PTPN3: variants seen among roughly 807,000 people sequenced by gnomAD.
PTPN3 encodes the protein tyrosine-protein phosphatase non-receptor type 3.
In PTPN3, 96 loss-of-function variants were observed where a neutral mutation model predicts 132.7. That is an observed-to-expected ratio of 0.72 (90% CI 0.61 to 0.86). PTPN3 has a LOEUF of 0.86. Ranked by LOEUF, PTPN3 falls within the 40% of genes least tolerant of loss-of-function variation. The pLI, the probability that PTPN3 is intolerant of heterozygous loss-of-function variation, is 0.00. For missense variants in PTPN3, 1,125 were observed against 1,159.6 expected, an observed-to-expected ratio of 0.97 and a Z score of 0.43; for synonymous variants, 398 against 429.0, an observed-to-expected ratio of 0.93 and a Z score of 0.89.
intron 22 of PTPN3, 44 bp from the exon 23 acceptor site, chr9:109,383,595 G>A (rs2131594280): frequency 2.5e-6 from 4 of 1,603,322 alleles, no homozygotes; most frequent in Non-Finnish European, 3.4e-6. Context: ...TCTGTGGGGT[G>A]TTCCTGCAAG....
At chr9:109,533,073 A>G in the PTPN3 span, 1 of 230,694 alleles carries the variant, frequency 4.3e-6, no homozygotes, top group Non-Finnish European at 7.7e-6. Context: ...CTCCTGCCTC[A>G]GCCTTCTGAG....
chr9:109,437,206 T>C (rs983924576), intron 8 of PTPN3, among the ~76,000 whole-genome samples: 3 of 152,250 alleles, frequency 2.0e-5, no homozygotes, highest in Non-Finnish European at 4.4e-5. Flanking sequence ...TCCCCTTTAG[T>C]GGGCTCACAA....
chr9:109,408,789 A>AT (rs1564403902), intron 16 of PTPN3, among the ~76,000 whole-genome samples: 158 of 57,580 alleles, frequency 2.7e-3, no homozygotes, highest in East Asian at 0.018. Flanking sequence ...ATTAAAAAAA[A>AT]AAAAAAAATA....
chr9:109,530,765 G>A, the PTPN3 span, among the ~76,000 whole-genome samples: 1 of 152,112 alleles, frequency 6.6e-6, no homozygotes, highest in Non-Finnish European at 1.5e-5. Flanking sequence ...CCATTCTAAT[G>A]GGTGTGAAGT....
chr9:109,488,947 G>T (rs1312589959), intron 1 of PTPN3, among the ~76,000 whole-genome samples: 1 of 152,186 alleles, frequency 6.6e-6, no homozygotes, highest in Non-Finnish European at 1.5e-5. Context: ...TTTGCCAAAG[G>T]TCAGTGACTT....
chr9:109,510,576 A>ATATAT, the PTPN3 span, among the ~76,000 whole-genome samples: 26 of 47,274 alleles, frequency 5.5e-4, no homozygotes, highest in African/African-American at 9.7e-4. Flanking sequence ...AAAAAAAAAA[A>ATATAT]ATATATATAT....
At chr9:109,533,024 C>G in the PTPN3 span, 1 of 345,056 alleles carries the variant, frequency 2.9e-6, no homozygotes, top group South Asian at 7.2e-5. Context: ...GGCGCGATCT[C>G]GGCTCACTGC....
At chr9:109,537,327 G>T in the PTPN3 span, among the ~76,000 whole-genome samples, 23 of 152,130 alleles carry the variant, frequency 1.5e-4, no homozygotes, top group Admixed American at 6.5e-4. Flanking sequence ...AACTTCTTAC[G>T]CTTAAAAAGA....
intron 13 of PTPN3, among the ~76,000 whole-genome samples, chr9:109,422,052 CATT>C (rs1397277616): frequency 6.6e-6 from 1 of 152,162 alleles, no homozygotes; most frequent in Non-Finnish European, 1.5e-5. Flanking sequence ...CGTACTTGTA[CATT>C]ATTATTTCAT....
chr9:109,434,375 C>T (rs1431415649), intron 9 of PTPN3, among the ~76,000 whole-genome samples: 1 of 145,682 alleles, frequency 6.9e-6, no homozygotes, highest in African/African-American at 2.6e-5. Flanking sequence ...GTGGTGCACA[C>T]GTGGCTCACT....
rs934925007 is a variant in PTPN3 at position 109,392,127 on chromosome 9, A to G, written c.1954-566T>C. Among the ~76,000 whole-genome samples the G allele has an allele frequency of 3.9e-5, 6 of 152,362 alleles. No individual in the cohort carries two copies. In the East Asian group the frequency reaches 9.6e-4, roughly 24 times the overall value. On this transcript the variant is annotated intron_variant, in intron 19 of 25. Coordinates refer to ENST00000374541, the MANE Select transcript of PTPN3 (RefSeq NM_002829.4). ...CAAACAACACAATCTTTGCATATCT[A>G]AAGTCATGTATTAGACATATTTGTA...
the PTPN3 span, among the ~76,000 whole-genome samples, chr9:109,505,736 G>T: frequency 6.6e-6 from 1 of 151,932 alleles, no homozygotes; most frequent in African/African-American, 2.4e-5. Context: ...TGGAACTGAG[G>T]ATCAGAACAT....
chr9:109,454,402 A>G, intron 5 of PTPN3, 94 bp downstream of exon 5: 1 of 1,038,268 alleles, frequency 9.6e-7, no homozygotes, highest in Non-Finnish European at 1.5e-6. Flanking sequence ...ACCCAAATGA[A>G]GTTATTTGGC....
the PTPN3 span, among the ~76,000 whole-genome samples, chr9:109,536,496 A>G: frequency 0.081 from 12,340 of 152,302 alleles, 666 homozygotes; most frequent in South Asian, 0.17. Flanking sequence ...GCGCAATGAT[A>G]CGATGCCTTT....
At chr9:109,417,367 C>T (rs2131819499) in intron 14 of PTPN3, among the ~76,000 whole-genome samples, 1 of 152,320 alleles carries the variant, frequency 6.6e-6, no homozygotes, top group East Asian at 1.9e-4. Flanking sequence ...GAACATCGCA[C>T]TTAATTCTTC....
At chr9:109,388,565 C>A (rs1205555495) in intron 22 of PTPN3, among the ~76,000 whole-genome samples, 1 of 152,150 alleles carries the variant, frequency 6.6e-6, no homozygotes, top group African/African-American at 2.4e-5. Flanking sequence ...AGCTGGCGGA[C>A]AGCAGCCATA....
intron 5 of PTPN3, chr9:109,451,121 G>T: frequency 2.1e-6 from 2 of 968,208 alleles, no homozygotes; most frequent in South Asian, 9.6e-5. Flanking sequence ...GCTAGTCGTG[G>T]TGGTATGTGC....
At position 109,404,572 on chromosome 9, in the gene PTPN3, T is replaced by G. The variant is rs780364886; in HGVS notation, c.1829A>C (p.Glu610Ala). The G allele has an allele frequency of 6.4e-7, 1 of 1,561,268 alleles. No individual in the cohort carries two copies. Among genetic ancestry groups the G allele is most frequent in the Non-Finnish European group, 8.7e-7 (1 of 1,144,940 alleles). ...GGCTTCGGGGAAAAGCTGGTTCAGT[T>G]CATCTTCAGACTTGAAGTCAGCAAA... ...RSFADFKSED[E>A]LNQLFPEAIF... Residue 610 changes from glutamate (E) to alanine (A), a missense_variant, in exon 19 of 26, where the codon GAA becomes GCA. Glu to Ala is a moderately radical substitution (Grantham distance 107). Transcript: ENST00000374541.
intron 5 of PTPN3, among the ~76,000 whole-genome samples, chr9:109,452,085 T>G (rs558081432): frequency 1.3e-5 from 2 of 151,978 alleles, no homozygotes; most frequent in South Asian, 4.2e-4. Context: ...CTGGCCAACA[T>G]GGTGAAACCC....
Sources: allele counts gnomAD v4.1 joint callset (sites outside exome capture counted in the v4.1 genomes callset), GRCh38; gene constraint gnomAD v4.1.1; transcripts MANE v1.5; gene names NCBI Gene and HGNC (gene_info 2026-07-23, HGNC 2026-07-21).